The following PTPRR variants were observed in gnomAD, a reference collection of about 807,000 sequenced individuals.
The protein encoded by PTPRR is protein tyrosine phosphatase receptor type R, also known as receptor-type tyrosine-protein phosphatase R.
A neutral mutation model predicts 77.2 loss-of-function variants in PTPRR; 38 were observed. That is an observed-to-expected ratio of 0.49 (90% confidence interval 0.38 to 0.65). The LOEUF (loss-of-function observed/expected upper bound fraction) is 0.65, where lower values mean the gene tolerates loss of function less well. Ranked by LOEUF, PTPRR falls within the 30% of genes least tolerant of loss-of-function variation. The pLI, the probability that PTPRR is intolerant of heterozygous loss-of-function variation, is 0.00. For synonymous variants in PTPRR, 299 were observed against 283.1 expected, an observed-to-expected ratio of 1.06 and a Z score of -0.57; for missense variants, 744 against 799.2, an observed-to-expected ratio of 0.93 and a Z score of 0.83.
chr12:70,705,253 A>T (rs547207644), intron 6 of PTPRR, among the ~76,000 whole-genome samples: 4 of 152,272 alleles, frequency 2.6e-5, no homozygotes, highest in African/African-American at 9.6e-5. Context: ...TGGGAAGAAA[A>T]CGTAGCTAAA....
intron 1 of PTPRR, among the ~76,000 whole-genome samples, chr12:70,898,455 TAAC>T (rs942181409): frequency 6.7e-6 from 1 of 149,706 alleles, no homozygotes; most frequent in African/African-American, 2.4e-5. Flanking sequence ...AGTCTTTTTT[TAAC>T]TCCTTGATAC....
chr12:70,895,080 G>A (rs1243356743), intron 1 of PTPRR, among the ~76,000 whole-genome samples: 1 of 151,686 alleles, frequency 6.6e-6, no homozygotes, highest in Non-Finnish European at 1.5e-5. Context: ...AACCCCACAT[G>A]AAAGTTGAAG....
rs566240523 is a variant in PTPRR at position 70,794,548 on chromosome 12, C to T, written c.358-29770G>A. Among the ~76,000 whole-genome samples, 112 of 152,260 alleles carry T rather than the reference C, an allele frequency of 7.4e-4. 1 individual carries two copies. Among genetic ancestry groups the T allele is most frequent in the African/African-American group, 2.6e-3 (107 of 41,532 alleles). On this transcript the variant is annotated intron_variant, in intron 2 of 13. Coordinates refer to ENST00000283228, the MANE Select transcript of PTPRR (RefSeq NM_002849.4). ...TGAAATAAAACAAAACCAAACGAAG[C>T]CTTTACGACATTTTGGGCAAATATA...
chr12:70,677,096 C>G (rs1448536994), intron 10 of PTPRR, among the ~76,000 whole-genome samples: 3 of 152,028 alleles, frequency 2.0e-5, no homozygotes, highest in Non-Finnish European at 4.4e-5. Flanking sequence ...TTTCCTTCAT[C>G]AATGATTTAT....
intron 6 of PTPRR, among the ~76,000 whole-genome samples, chr12:70,729,874 C>A (rs1233964464): frequency 6.7e-6 from 1 of 150,166 alleles, no homozygotes; most frequent in African/African-American, 2.4e-5. Context: ...CATGTTCAAG[C>A]CATGTTTTAA....
intron 12 of PTPRR, among the ~76,000 whole-genome samples, chr12:70,660,357 T>C (rs567695612): frequency 6.6e-6 from 1 of 152,268 alleles, no homozygotes; most frequent in Middle Eastern, 3.4e-3. Context: ...CCTGCTGCTG[T>C]TGTTGGCTTG....
At chr12:70,866,708 T>A (rs1343355858) in intron 2 of PTPRR, among the ~76,000 whole-genome samples, 5 of 152,060 alleles carry the variant, frequency 3.3e-5, no homozygotes, top group South Asian at 2.1e-4. Flanking sequence ...CTGATACCAA[T>A]GCCTGGCAGA....
intron 2 of PTPRR, among the ~76,000 whole-genome samples, chr12:70,798,461 GTTGTCT>G (rs1007504066): frequency 1.3e-5 from 2 of 152,110 alleles, no homozygotes; most frequent in Admixed American, 1.3e-4. Context: ...AACTCTTTAA[GTTGTCT>G]TTTCCTACTG....
intron 10 of PTPRR, chr12:70,664,270 C>G (rs1260265653): frequency 6.6e-6 from 1 of 152,088 alleles, no homozygotes; most frequent in East Asian, 1.9e-4. Flanking sequence ...TCATTTCTCT[C>G]GAAATCTATG....
intron 3 of PTPRR, 26 bp downstream of exon 3, chr12:70,764,639 G>T: frequency 6.4e-7 from 1 of 1,568,028 alleles, no homozygotes; most frequent in Non-Finnish European, 8.8e-7. Flanking sequence ...CTTGAATTTT[G>T]GAAATGCGAA....
chr12:70,897,482 A>G lies in PTPRR; in HGVS notation c.59-4505T>C, dbSNP rs1248140174. ...ACCATCTCACACCAGTTAGAATGGC[A>G]ATCATTAAAAAGTCAGGAAACAACA... On this transcript the variant is annotated intron_variant, in intron 1 of 13. Transcript: ENST00000283228. 1.8e-3 allele frequency among the ~76,000 whole-genome samples: 271 copies of G among 151,668 alleles called. 1 individual carries two copies. The highest frequency in any genetic ancestry group is 6.3e-3 in the African/African-American group (261 of 41,446).
chr12:70,651,457 T>A (rs575748538), intron 13 of PTPRR, among the ~76,000 whole-genome samples: 1 of 152,312 alleles, frequency 6.6e-6, no homozygotes, highest in African/African-American at 2.4e-5. Context: ...GCATCCTCCA[T>A]AGATAGATAT....
chr12:70,695,794 C>T (rs1041641165), intron 8 of PTPRR, among the ~76,000 whole-genome samples: 3 of 152,062 alleles, frequency 2.0e-5, no homozygotes, highest in African/African-American at 4.8e-5. Context: ...GCACTTTCAT[C>T]CCCTTTGGCC....
chr12:70,877,944 T>C (rs551038846), intron 2 of PTPRR, among the ~76,000 whole-genome samples: 7 of 152,024 alleles, frequency 4.6e-5, no homozygotes, highest in Non-Finnish European at 7.4e-5. Context: ...GAAATAATGC[T>C]GCATATCTAC....
chr12:70,728,641 A>G (rs1889544724), intron 6 of PTPRR, among the ~76,000 whole-genome samples: 1 of 149,104 alleles, frequency 6.7e-6, no homozygotes, highest in East Asian at 2.0e-4. Flanking sequence ...CATCATGTCA[A>G]TGTTCAATAA....
chr12:70,732,464 A>G (rs926974845), intron 6 of PTPRR, among the ~76,000 whole-genome samples: 5 of 152,240 alleles, frequency 3.3e-5, no homozygotes, highest in Non-Finnish European at 5.9e-5. Flanking sequence ...CACAGCTCCA[A>G]GGGGCTCCCT....
rs1363560386 is a variant in PTPRR at position 70,892,814 on chromosome 12, T to C, written c.222A>G (p.Val74=). 1.2e-6 allele frequency: 2 copies of C among 1,613,482 alleles called. No individual in the cohort carries two copies. The highest frequency in any genetic ancestry group is 1.7e-6 in the Non-Finnish European group (2 of 1,179,636). ...AATTGACAATCTGGTGGCGTTTGCT[T>C]ACTTGAGCTTCGGAAGAGGAATGGT... is the stretch of plus-strand genomic sequence containing the variant. ...HSYHSSSEAQ[V]SKRHQIVNSA... The change falls in exon 2 of 14, where the codon GTA becomes GTG. Residue 74 remains valine (V), a synonymous_variant. Transcript: ENST00000283228.
At chr12:70,856,542 T>C (rs986575874) in intron 2 of PTPRR, among the ~76,000 whole-genome samples, 1 of 152,098 alleles carries the variant, frequency 6.6e-6, no homozygotes, top group African/African-American at 2.4e-5. Context: ...GAAAGCAACA[T>C]GTGAACTATT....
chr12:70,912,118 A>T (rs1893709271), intron 1 of PTPRR, among the ~76,000 whole-genome samples: 1 of 152,218 alleles, frequency 6.6e-6, no homozygotes, highest in Admixed American at 6.5e-5. Context: ...ATTGCTTATG[A>T]TTGAAAGCCA....
Sources: allele counts gnomAD v4.1 joint callset (sites outside exome capture counted in the v4.1 genomes callset), GRCh38; gene constraint gnomAD v4.1.1; transcripts MANE v1.5; gene names NCBI Gene and HGNC (gene_info 2026-07-23, HGNC 2026-07-21).